FAT3: variants seen among roughly 807,000 people sequenced by gnomAD.
FAT3 encodes the protein FAT atypical cadherin 3, also known as protocadherin Fat 3.
A neutral mutation model predicts 310.2 loss-of-function variants in FAT3; 95 were observed. The observed-to-expected ratio is 0.31, with a 90% CI of 0.26 to 0.36. FAT3 has a LOEUF of 0.36. FAT3 is among the 10% of genes least tolerant of loss of function. The pLI, the probability that FAT3 is intolerant of heterozygous loss-of-function variation, is 1.00. For missense variants in FAT3, 5,408 were observed against 5,715.6 expected, an observed-to-expected ratio of 0.95 and a Z score of 1.74; for synonymous variants, 2,314 against 2,192.9, an observed-to-expected ratio of 1.06 and a Z score of -1.54.
At chr11:92,380,906 G>A (rs1360684310) in intron 2 of FAT3, among the ~76,000 whole-genome samples, 1 of 152,130 alleles carries the variant, frequency 6.6e-6, no homozygotes, top group Non-Finnish European at 1.5e-5. Context: ...CCATTTTAAA[G>A]TGTACCTTTC....
At chr11:92,226,519 G>A (rs1428095271) in intron 1 of FAT3, among the ~76,000 whole-genome samples, 2 of 151,978 alleles carry the variant, frequency 1.3e-5, no homozygotes, top group Non-Finnish European at 2.9e-5. Context: ...TGCTCCCGGG[G>A]TGTGGGTGTG....
At chr11:92,802,819 T>G (rs947275497) in intron 10 of FAT3, among the ~76,000 whole-genome samples, 1 of 152,192 alleles carries the variant, frequency 6.6e-6, no homozygotes. Context: ...AAAAATGAAT[T>G]AATTAGACTG....
At chr11:92,692,171 G>T (rs2135891375) in intron 3 of FAT3, among the ~76,000 whole-genome samples, 1 of 152,242 alleles carries the variant, frequency 6.6e-6, no homozygotes, top group East Asian at 1.9e-4. Context: ...CAAAAAACAG[G>T]AAAACATTAA....
intron 1 of FAT3, among the ~76,000 whole-genome samples, chr11:92,317,356 C>T (rs1947492140): frequency 6.6e-6 from 1 of 152,082 alleles, no homozygotes; most frequent in African/African-American, 2.4e-5. Flanking sequence ...GCTAATTTTG[C>T]TTGAAAACCA....
chr11:92,566,821 A>G (rs1955470449), intron 3 of FAT3, among the ~76,000 whole-genome samples: 1 of 152,228 alleles, frequency 6.6e-6, no homozygotes, highest in Non-Finnish European at 1.5e-5. Context: ...TGCTGGGAAA[A>G]CTGGCTGGCC....
chr11:92,229,351 G>C (rs368862176), intron 1 of FAT3, among the ~76,000 whole-genome samples: 1 of 94,612 alleles, frequency 1.1e-5, no homozygotes, highest in East Asian at 2.3e-4. Context: ...GGAAGACTCA[G>C]AGAGTAAATA....
At chr11:92,593,283 T>C (rs554779189) in intron 3 of FAT3, among the ~76,000 whole-genome samples, 1 of 152,242 alleles carries the variant, frequency 6.6e-6, no homozygotes, top group Non-Finnish European at 1.5e-5. Context: ...TGAAATCTCT[T>C]TGAGTCTCTG....
rs1949593598 is a variant in FAT3 at position 92,878,646 on chromosome 11, A to C, written c.12128-2085A>C. Among the ~76,000 whole-genome samples the C allele has an allele frequency of 1.7e-5, 2 of 115,580 alleles. 1 individual carries two copies. Among genetic ancestry groups the C allele is most frequent in the Admixed American group, 1.7e-4 (2 of 11,752 alleles). 75.8% of individuals were successfully genotyped at this position (115,580 alleles called of 152,430 possible). A position where few individuals can be genotyped will look rare whatever the true frequency, so the allele number is the denominator to read the frequency against. On this transcript the variant is annotated intron_variant, in intron 22 of 27. Transcript: ENST00000525166. ...GGATGTTATGTGTTAAAAAAAAAAA[A>C]AAAAAAAAAAAAAAAAAAAAAGCTC... is the stretch of plus-strand genomic sequence containing the variant.
At chr11:92,387,018 G>A (rs536643729) in intron 2 of FAT3, among the ~76,000 whole-genome samples, 1 of 151,820 alleles carries the variant, frequency 6.6e-6, no homozygotes, top group South Asian at 2.1e-4. Context: ...ATAATGTACT[G>A]TGATAAATGC....
intron 3 of FAT3, among the ~76,000 whole-genome samples, chr11:92,594,701 A>G (rs1476089592): frequency 6.6e-6 from 1 of 152,142 alleles, no homozygotes; most frequent in Non-Finnish European, 1.5e-5. Flanking sequence ...GTTGGTATTT[A>G]TTAATTATTC....
In FAT3 at chr11:92,420,590, G is replaced by A. The variant is rs144184120; in HGVS notation, c.3292+65186G>A. ...CAGTCAGCTTTTCAACTCCTTGATG[G>A]GGGGGTTAAGAGTAGAGAGAACTAT... On this transcript the variant is annotated intron_variant, in intron 2 of 27. Coordinates refer to ENST00000525166, the MANE Select transcript of FAT3 (RefSeq NM_001367949.2). 1.5e-3 allele frequency among the ~76,000 whole-genome samples: 229 copies of A among 152,184 alleles called. 1 individual carries two copies. Among genetic ancestry groups the A allele is most frequent in the African/African-American group, 5.0e-3 (209 of 41,518 alleles).
chr11:92,330,547 G>C (rs1284056428), intron 1 of FAT3, among the ~76,000 whole-genome samples: 2 of 152,194 alleles, frequency 1.3e-5, no homozygotes, highest in Non-Finnish European at 2.9e-5. Flanking sequence ...CAAAGTCAGA[G>C]AGTTTAAGTG....
intron 1 of FAT3, among the ~76,000 whole-genome samples, chr11:92,341,134 A>G (rs1252587958): frequency 6.6e-6 from 1 of 152,176 alleles, no homozygotes; most frequent in Admixed American, 6.5e-5. Context: ...GCTTATGCTG[A>G]AATAACTAGC....
chr11:92,229,913 TA>T (rs1195084068), intron 1 of FAT3, among the ~76,000 whole-genome samples: 1 of 150,782 alleles, frequency 6.6e-6, no homozygotes, highest in African/African-American at 2.4e-5. Context: ...ACTCTTCACA[TA>T]AACAAAATAT....
At chr11:92,650,645 A>G (rs1457866227) in intron 3 of FAT3, among the ~76,000 whole-genome samples, 1 of 152,120 alleles carries the variant, frequency 6.6e-6, no homozygotes, top group East Asian at 1.9e-4. Flanking sequence ...TACCAAAGTG[A>G]AGTCATTGAA....
intron 2 of FAT3, among the ~76,000 whole-genome samples, chr11:92,499,087 A>G (rs529190498): frequency 6.6e-6 from 1 of 152,190 alleles, no homozygotes; most frequent in Non-Finnish European, 1.5e-5. Context: ...GCAAGCATTT[A>G]TTGAAGACCT....
At chr11:92,373,782 A>G (rs1949262634) in intron 2 of FAT3, among the ~76,000 whole-genome samples, 1 of 135,294 alleles carries the variant, frequency 7.4e-6, no homozygotes, top group Admixed American at 7.0e-5. Context: ...ACACACACAC[A>G]CACACACACA....
intron 3 of FAT3, among the ~76,000 whole-genome samples, chr11:92,629,816 A>G (rs935621637): frequency 1.3e-5 from 2 of 152,006 alleles, no homozygotes; most frequent in African/African-American, 4.8e-5. Flanking sequence ...CTCTCATTCC[A>G]TTTTGTGCCA....
At chr11:92,672,794 A>G (rs73556444) in intron 3 of FAT3, among the ~76,000 whole-genome samples, 4,184 of 152,286 alleles carry the variant, frequency 0.027, 212 homozygotes, top group African/African-American at 0.095. Context: ...GCCAAGCAGA[A>G]CAGGAGTAGA....
Sources: gnomAD v4.1 joint callset for allele counts (sites outside exome capture counted in the v4.1 genomes callset) on GRCh38, gnomAD v4.1.1 for gene constraint, MANE v1.5 for transcripts, NCBI Gene and HGNC (gene_info 2026-07-23, HGNC 2026-07-21) for gene names.